The following PTPRD variants were observed in gnomAD, a reference collection of about 807,000 sequenced individuals.
PTPRD encodes the protein receptor-type tyrosine-protein phosphatase delta.
PTPRD carries 34 observed loss-of-function variants against 214.5 expected under a neutral mutation model. The ratio of observed to expected loss-of-function variants is 0.16; its 90% CI spans 0.12 to 0.21. PTPRD has a LOEUF of 0.21. PTPRD is among the 10% of genes least tolerant of loss of function. PTPRD has a pLI of 1.00. For missense variants in PTPRD, 2,545 were observed against 2,398.7 expected, an observed-to-expected ratio of 1.06 and a Z score of -1.27; for synonymous variants, 1,128 against 845.7, an observed-to-expected ratio of 1.33 and a Z score of -5.79.
chr9:10,227,676 G>A (rs572697341), intron 3 of PTPRD, among the ~76,000 whole-genome samples: 1 of 152,044 alleles, frequency 6.6e-6, no homozygotes, highest in East Asian at 1.9e-4. Context: ...CTGATTCTCA[G>A]CGACTTCAGG....
At chr9:9,051,007 T>A (rs2099684147) in intron 10 of PTPRD, among the ~76,000 whole-genome samples, 1 of 152,168 alleles carries the variant, frequency 6.6e-6, no homozygotes, top group Non-Finnish European at 1.5e-5. Flanking sequence ...TACGTATAGT[T>A]AATTTGTGAG....
At chr9:8,810,676 T>C (rs2154522535) in intron 11 of PTPRD, among the ~76,000 whole-genome samples, 1 of 152,254 alleles carries the variant, frequency 6.6e-6, no homozygotes, top group African/African-American at 2.4e-5. Context: ...CATTCTCCAG[T>C]TTTTAAATAT....
At chr9:8,745,230 A>G (rs1403565048) in intron 11 of PTPRD, among the ~76,000 whole-genome samples, 4 of 152,218 alleles carry the variant, frequency 2.6e-5, no homozygotes, top group Non-Finnish European at 5.9e-5. Context: ...AAAATGCACA[A>G]GTGAGTAGTC....
At chr9:9,789,019 C>A (rs763783546) in intron 5 of PTPRD, among the ~76,000 whole-genome samples, 64 of 152,306 alleles carry the variant, frequency 4.2e-4, no homozygotes, top group Middle Eastern at 3.4e-3. Context: ...TATTTCATCA[C>A]CTATCAGCCT....
intron 33 of PTPRD, chr9:8,454,702 G>T (rs957721322): frequency 8.4e-7 from 1 of 1,188,228 alleles, no homozygotes; most frequent in Non-Finnish European, 1.2e-6. Context: ...GTGTTCACAA[G>T]CAAGGACACA....
chr9:10,011,621 T>C (rs2096601832), intron 4 of PTPRD, among the ~76,000 whole-genome samples: 1 of 151,962 alleles, frequency 6.6e-6, no homozygotes, highest in Non-Finnish European at 1.5e-5. Flanking sequence ...ATTTGTGTTT[T>C]TGGTTTACTT....
chr9:8,912,162 C>T (rs1400986668), intron 11 of PTPRD, among the ~76,000 whole-genome samples: 9 of 151,894 alleles, frequency 5.9e-5, no homozygotes, highest in Admixed American at 2.6e-4. Context: ...AGGTGTTTAC[C>T]CAAGAGAAAT....
chr9:10,521,743 C>T (rs185713807), intron 2 of PTPRD, among the ~76,000 whole-genome samples: 12 of 152,032 alleles, frequency 7.9e-5, no homozygotes, highest in Admixed American at 2.6e-4. Context: ...AAATTATGAC[C>T]GACTGATGGG....
intron 11 of PTPRD, among the ~76,000 whole-genome samples, chr9:8,988,678 T>A (rs957163542): frequency 2.0e-5 from 3 of 152,052 alleles, no homozygotes; most frequent in African/African-American, 7.2e-5. Flanking sequence ...ACATTACGAT[T>A]TTTTTAGGCT....
intron 30 of PTPRD, among the ~76,000 whole-genome samples, chr9:8,482,900 AT>A (rs34349396): frequency 0.12 from 18,553 of 152,176 alleles, 1,468 homozygotes; most frequent in African/African-American, 0.22. Flanking sequence ...ATCCCTTAAG[AT>A]TTAAGTTCAG....
intron 12 of PTPRD, among the ~76,000 whole-genome samples, chr9:8,662,419 C>T (rs2154355555): frequency 6.6e-6 from 1 of 152,268 alleles, no homozygotes; most frequent in South Asian, 2.1e-4. Flanking sequence ...AGCATCTCTG[C>T]TGCTGGTTAT....
chr9:8,852,613 T>G (rs1048339492), intron 11 of PTPRD, among the ~76,000 whole-genome samples: 1 of 152,222 alleles, frequency 6.6e-6, no homozygotes, highest in African/African-American at 2.4e-5. Context: ...ACTTGCCTGC[T>G]GGTATACATG....
At chr9:8,818,641 A>C (rs2096973558) in intron 11 of PTPRD, among the ~76,000 whole-genome samples, 1 of 152,242 alleles carries the variant, frequency 6.6e-6, no homozygotes, top group African/African-American at 2.4e-5. Context: ...AATCATACCT[A>C]CTGAATTAGT....
chr9:9,282,122 G>C (rs1320854126), intron 9 of PTPRD, among the ~76,000 whole-genome samples: 1 of 151,372 alleles, frequency 6.6e-6, no homozygotes, highest in African/African-American at 2.4e-5. Flanking sequence ...AATAGGTGAA[G>C]TATAGAGGAC....
chr9:10,339,472 G>C (rs544897595), intron 3 of PTPRD, among the ~76,000 whole-genome samples: 5 of 151,724 alleles, frequency 3.3e-5, no homozygotes, highest in Non-Finnish European at 5.9e-5. Context: ...TTTTCACTCT[G>C]AAAGACTTCT....
intron 3 of PTPRD, among the ~76,000 whole-genome samples, chr9:10,231,989 A>AGAGAGTGTGTGTGTGT (rs1245284728): frequency 2.8e-4 from 26 of 92,498 alleles, no homozygotes; most frequent in South Asian, 1.8e-3. Context: ...AGAGAGAGAG[A>AGAGAGTGTGTGTGTGT]GTGTGTGTGT....
rs550979510 is a variant in PTPRD at position 8,518,526 on chromosome 9, T to C, written c.962-97A>G. 77 of 860,778 alleles carry C rather than the reference T, an allele frequency of 8.9e-5. No individual in the cohort carries two copies. In the African/African-American group the frequency reaches 1.0e-3, roughly 11 times the overall value. The allele number at this position is 860,778 out of a possible 1,614,324, so 53.3% of individuals were successfully genotyped here. A position where few individuals can be genotyped will look rare whatever the true frequency, so the allele number is the denominator to read the frequency against. On this transcript the variant is annotated intron_variant, in intron 20 of 45. Transcript: ENST00000381196. ...ACTATGAAAATGACAGGATTATGTA[T>C]CTACTGAAGATTTAATTAAATGAAA... is the stretch of plus-strand genomic sequence containing the variant.
At chr9:9,135,841 A>C (rs1226078539) in intron 10 of PTPRD, among the ~76,000 whole-genome samples, 1 of 152,138 alleles carries the variant, frequency 6.6e-6, no homozygotes, top group Admixed American at 6.5e-5. Flanking sequence ...GCTTGAAAAA[A>C]ACCCCACAGT....
intron 14 of PTPRD, among the ~76,000 whole-genome samples, chr9:8,617,947 C>T (rs2095666505): frequency 6.6e-6 from 1 of 152,114 alleles, no homozygotes; most frequent in South Asian, 2.1e-4. Context: ...TTAAAAAAAT[C>T]ACTAACTTTG....
Sources: gnomAD v4.1 joint callset for allele counts (sites outside exome capture counted in the v4.1 genomes callset) on GRCh38, gnomAD v4.1.1 for gene constraint, MANE v1.5 for transcripts, NCBI Gene and HGNC (gene_info 2026-07-23, HGNC 2026-07-21) for gene names.